The following SYNPR variants were observed in gnomAD, a reference collection of about 807,000 sequenced individuals.
SYNPR encodes the protein synaptoporin.
A neutral mutation model predicts 32.9 loss-of-function variants in SYNPR; 23 were observed. That is an observed-to-expected ratio of 0.70 (90% CI 0.50 to 0.99). The LOEUF (loss-of-function observed/expected upper bound fraction) is 0.99. Ranked by LOEUF, SYNPR falls within the 50% of genes least tolerant of loss-of-function variation. The probability of loss-of-function intolerance (pLI) is 0.00; values close to 1 mark genes in which losing one functional copy is unlikely to be tolerated. For missense variants in SYNPR, 318 were observed against 349.3 expected, an observed-to-expected ratio of 0.91 and a Z score of 0.71; for synonymous variants, 146 against 135.9, an observed-to-expected ratio of 1.07 and a Z score of -0.52.
rs1344077458 is a variant in SYNPR, at chr3:63,469,223, A to C, written c.85-11609A>C. Among the ~76,000 whole-genome samples the C allele has an allele frequency of 2.6e-5, 4 of 152,242 alleles. No individual in the cohort carries two copies. In the South Asian group the frequency reaches 8.3e-4, roughly 32 times the overall value. ...GGGGAGGAGGAAGTTGAGGGTTGTG[A>C]CTTATCTTCAGTTTTTAAAAAATTC... On this transcript the variant is annotated intron_variant, in intron 2 of 5. Coordinates refer to ENST00000478300, the MANE Select transcript of SYNPR (RefSeq NM_001130003.2).
intron 5 of SYNPR, among the ~76,000 whole-genome samples, chr3:63,612,868 T>C (rs1044979855): frequency 6.6e-6 from 1 of 151,148 alleles, no homozygotes; most frequent in African/African-American, 2.4e-5. Flanking sequence ...TGATAATTTT[T>C]CCTCCCCTCC....
chr3:63,253,612 A>G (rs1368480477), intron 2 of SYNPR, among the ~76,000 whole-genome samples: 3 of 152,318 alleles, frequency 2.0e-5, no homozygotes, highest in East Asian at 1.9e-4. Flanking sequence ...CAAAATCACA[A>G]TGAGATACCA....
chr3:63,334,659 A>G (rs1303486837), intron 2 of SYNPR, among the ~76,000 whole-genome samples: 1 of 152,114 alleles, frequency 6.6e-6, no homozygotes, highest in East Asian at 1.9e-4. Context: ...TGCTTCTCCT[A>G]CATCTGGAAA....
At chr3:63,407,431 C>G (rs2088375689) in intron 2 of SYNPR, among the ~76,000 whole-genome samples, 1 of 152,152 alleles carries the variant, frequency 6.6e-6, no homozygotes, top group Non-Finnish European at 1.5e-5. Flanking sequence ...AATCCAGATT[C>G]AAATCATCCT....
chr3:63,265,433 G>A (rs2086477754), intron 2 of SYNPR, among the ~76,000 whole-genome samples: 1 of 151,818 alleles, frequency 6.6e-6, no homozygotes, highest in East Asian at 1.9e-4. Flanking sequence ...TGTATTTTTA[G>A]TAGAGACGGG....
rs1452039641 is a variant in SYNPR at position 63,573,975 on chromosome 3, TTCTTTTCCACCCTTAGAATCTGGAC to T, written c.408+17242_408+17266del. 2.7e-4 allele frequency among the ~76,000 whole-genome samples: 41 copies of T among 152,184 alleles called. 1 individual carries two copies. The highest frequency in any genetic ancestry group is 5.1e-4 in the Non-Finnish European group (35 of 68,030). On this transcript the variant is annotated intron_variant, in intron 4 of 5. Coordinates refer to ENST00000478300, the MANE Select transcript of SYNPR (RefSeq NM_001130003.2). Reference sequence around the variant, plus strand: ...AAAGCCATTAGCTGAATGTCAGGGCTTCTTTTCCACCCTTAGAATCTGGACTCTTTTCTTTCCCTGCTGTGGATGA... The same window carrying T: ...AAAGCCATTAGCTGAATGTCAGGGCTTCTTTTCTTTCCCTGCTGTGGATGA...
intron 2 of SYNPR, among the ~76,000 whole-genome samples, chr3:63,382,531 A>G (rs1354890676): frequency 1.3e-5 from 2 of 152,208 alleles, no homozygotes; most frequent in African/African-American, 2.4e-5. Flanking sequence ...TTTGTCTAGA[A>G]AAAGAAGGCT....
chr3:63,207,733 C>A, the SYNPR span, among the ~76,000 whole-genome samples: 1 of 152,096 alleles, frequency 6.6e-6, no homozygotes, highest in East Asian at 1.9e-4. Context: ...GTCTTTCTAA[C>A]CCCAATAACA....
At chr3:63,398,738 G>C (rs1440378978) in intron 2 of SYNPR, among the ~76,000 whole-genome samples, 1 of 149,946 alleles carries the variant, frequency 6.7e-6, no homozygotes, top group Non-Finnish European at 1.5e-5. Context: ...AAAAAAAAAA[G>C]TGTACTTTCA....
At chr3:63,396,252 C>T (rs2088211198) in intron 2 of SYNPR, among the ~76,000 whole-genome samples, 1 of 152,288 alleles carries the variant, frequency 6.6e-6, no homozygotes, top group African/African-American at 2.4e-5. Context: ...ATCCATATCA[C>T]AAGGTTCCTC....
intron 3 of SYNPR, among the ~76,000 whole-genome samples, chr3:63,504,116 T>G (rs1426387982): frequency 6.6e-6 from 1 of 152,152 alleles, no homozygotes; most frequent in African/African-American, 2.4e-5. Flanking sequence ...ATATTAATTG[T>G]TGAAATTAAA....
At chr3:63,276,907 C>G (rs539591305), upstream of SYNPR, among the ~76,000 whole-genome samples, 4 of 140,504 alleles carry the variant, frequency 2.8e-5, no homozygotes, top group African/African-American at 8.1e-5. Context: ...ACCCACCCCC[C>G]CCACCAACAC....
intron 2 of SYNPR, among the ~76,000 whole-genome samples, chr3:63,258,677 C>G (rs7432784): frequency 0.081 from 12,263 of 151,806 alleles, 1,447 homozygotes; most frequent in African/African-American, 0.26. Flanking sequence ...AAAGCAAGAG[C>G]AAACACATTC....
At chr3:63,352,920 C>T (rs991874125) in intron 2 of SYNPR, among the ~76,000 whole-genome samples, 6 of 152,276 alleles carry the variant, frequency 3.9e-5, no homozygotes, top group South Asian at 2.1e-4. Flanking sequence ...TACCTCCCAC[C>T]GGGTCCCTCC....
chr3:63,288,193 A>G (rs945734687), intron 2 of SYNPR, among the ~76,000 whole-genome samples: 1 of 152,248 alleles, frequency 6.6e-6, no homozygotes, highest in Non-Finnish European at 1.5e-5. Context: ...GTTGCCATAG[A>G]TCAAATGCCC....
intron 4 of SYNPR, among the ~76,000 whole-genome samples, chr3:63,589,322 A>T (rs1450836206): frequency 6.6e-6 from 1 of 152,082 alleles, no homozygotes; most frequent in African/African-American, 2.4e-5. Flanking sequence ...TATTATCACT[A>T]TATGCAATTA....
intron 3 of SYNPR, among the ~76,000 whole-genome samples, chr3:63,530,286 A>G (rs560272360): frequency 2.0e-5 from 3 of 152,246 alleles, no homozygotes; most frequent in African/African-American, 7.2e-5. Context: ...GGGCACACCT[A>G]ACCTGGCAGT....
At chr3:63,318,464 T>C (rs572176843) in intron 2 of SYNPR, among the ~76,000 whole-genome samples, 1 of 152,088 alleles carries the variant, frequency 6.6e-6, no homozygotes, top group South Asian at 2.1e-4. Context: ...TATTCTTTTT[T>C]CTTTGTCTTT....
intron 2 of SYNPR, among the ~76,000 whole-genome samples, chr3:63,410,794 T>G (rs901049030): frequency 3.3e-5 from 5 of 152,108 alleles, no homozygotes; most frequent in Non-Finnish European, 7.4e-5. Flanking sequence ...TACACTGGTA[T>G]CTACTTAGCT....
Sources: gnomAD v4.1 joint callset for allele counts (sites outside exome capture counted in the v4.1 genomes callset) on GRCh38, gnomAD v4.1.1 for gene constraint, MANE v1.5 for transcripts, NCBI Gene and HGNC (gene_info 2026-07-23, HGNC 2026-07-21) for gene names.